Variants in C5orf34 observed in about 807,000 individuals in gnomAD.
The protein encoded by C5orf34 is chromosome 5 open reading frame 34, also known as uncharacterized protein C5orf34.
Under a neutral mutation model 78.4 loss-of-function variants are expected in C5orf34, and 73 were observed. That is an observed-to-expected ratio of 0.93 (90% CI 0.77 to 1.13). The LOEUF is 1.13. Among genes scored for constraint, C5orf34 ranks in the 50% most tolerant of loss-of-function variants. The pLI is 0.00. For missense variants in C5orf34, 730 were observed against 732.7 expected, an observed-to-expected ratio of 1.00 and a Z score of 0.04; for synonymous variants, 251 against 246.6, an observed-to-expected ratio of 1.02 and a Z score of -0.17.
chr5:43,488,584 A>C (rs1165742238), intron 11 of C5orf34: 1 of 152,068 alleles, frequency 6.6e-6, no homozygotes, highest in Non-Finnish European at 1.5e-5. Flanking sequence ...TTTTTATTAA[A>C]TTCTTTCTGG....
chr5:43,504,587 A>G (rs1334320435), intron 4 of C5orf34, among the ~76,000 whole-genome samples: 10 of 152,200 alleles, frequency 6.6e-5, no homozygotes, highest in African/African-American at 2.4e-4. Flanking sequence ...ACACTCCTGC[A>G]GAGTAAAGAG....
chr5:43,504,668 G>A (rs1449314402), intron 4 of C5orf34, among the ~76,000 whole-genome samples: 1 of 152,214 alleles, frequency 6.6e-6, no homozygotes, highest in Admixed American at 6.5e-5. Context: ...AGCAAGAATA[G>A]AGAAAGCAAG....
At chr5:43,505,570 C>T in intron 4 of C5orf34, 178 bp downstream of exon 4, 1 of 578,996 alleles carries the variant, frequency 1.7e-6, no homozygotes, top group South Asian at 2.9e-5. Context: ...AATGCATGGA[C>T]ACAGAGTAAA....
chr5:43,503,653 T>C lies in C5orf34; in HGVS notation c.1028+12A>G, dbSNP rs373393560. The C allele has an allele frequency of 1.5e-5, 24 of 1,555,390 alleles. No homozygotes were observed. Among genetic ancestry groups the C allele is most frequent in the East Asian group, 6.7e-5 (3 of 44,586 alleles). ...TCTAACTCCAACATAGAAGCCAACA[T>C]AGGTGCCTTACCTATATGTAACACC... On this transcript the variant is annotated intron_variant, in intron 5 of 12. Transcript: ENST00000306862.
chr5:43,501,895 G>A (rs1016223588), intron 6 of C5orf34, among the ~76,000 whole-genome samples: 1 of 152,080 alleles, frequency 6.6e-6, no homozygotes, highest in Admixed American at 6.6e-5. Context: ...TAAGACTATG[G>A]GCTGGTAATT....
intron 10 of C5orf34, among the ~76,000 whole-genome samples, chr5:43,491,732 G>T (rs1362936019): frequency 1.3e-5 from 2 of 152,178 alleles, no homozygotes; most frequent in African/African-American, 4.8e-5. Flanking sequence ...GGCCGGGCAT[G>T]GTGGCTCATG....
intron 11 of C5orf34, chr5:43,488,283 G>A (rs887231510): frequency 4.1e-5 from 10 of 241,702 alleles, no homozygotes; most frequent in East Asian, 1.8e-4. Flanking sequence ...TAAAGTTTAC[G>A]CAAACTTTAC....
chr5:43,500,295 A>G (rs1360957889), intron 6 of C5orf34, among the ~76,000 whole-genome samples: 1 of 151,940 alleles, frequency 6.6e-6, no homozygotes, highest in East Asian at 1.9e-4. Context: ...CCATTTTTCT[A>G]TTAGGGTATT....
chr5:43,487,316 T>G (rs1165980725), intron 12 of C5orf34, among the ~76,000 whole-genome samples: 2 of 152,028 alleles, frequency 1.3e-5, no homozygotes, highest in South Asian at 2.1e-4. Context: ...GGAAAGAGAA[T>G]AGAGTGTGTA....
In C5orf34 at chr5:43,505,990, C is replaced by A. The variant is rs372822499; in HGVS notation, c.690G>T (p.Lys230Asn). ...TGACCCATGTGTATACACATGTGTGCTTTGTACCAGGCGAAGGCAGCTCTT... is the reference window on the plus strand; with the variant it reads ...TGACCCATGTGTATACACATGTGTGATTTGTACCAGGCGAAGGCAGCTCTT... ...GREELPSPGT[K>N]HTCVYTWVKQ... Residue 230 changes from lysine (K) to asparagine (N), a missense_variant, in exon 4 of 13, where the codon AAG (lysine) becomes AAT (asparagine). Transcript: ENST00000306862. 5.0e-5 allele frequency: 81 copies of A among 1,614,084 alleles called. No individual in the cohort carries two copies. Among genetic ancestry groups the A allele is most frequent in the Non-Finnish European group, 6.9e-5 (81 of 1,180,040 alleles).
chr5:43,504,794 T>C (rs945049489), intron 4 of C5orf34, among the ~76,000 whole-genome samples: 6 of 152,232 alleles, frequency 3.9e-5, no homozygotes, highest in East Asian at 3.8e-4. Context: ...TGGTAAGTTA[T>C]TGAAAAATCA....
chr5:43,492,248 A>C lies in C5orf34; in HGVS notation c.1547T>G (p.Leu516Ter). The C allele has an allele frequency of 6.2e-7, 1 of 1,612,506 alleles. No homozygotes were observed. Among genetic ancestry groups the C allele is most frequent in the Admixed American group, 1.7e-5 (1 of 59,922 alleles). ...KLTFPDGQEQ[L>*]IQIEHPEPYE... is the part of the protein sequence containing the mutation. ...TGGTTCAGGGTGTTCAATCTGAATT[A>C]ACTGCTCTTGTCCATCAGGAAAAGT... Residue 516 changes from leucine (L) to a stop codon, truncating the protein, a stop_gained, in exon 10 of 13, where the codon TTA (leucine) becomes TGA (stop). Coordinates refer to ENST00000306862, the MANE Select transcript of C5orf34 (RefSeq NM_198566.4). LOFTEE classifies it high-confidence loss of function.
chr5:43,492,250 C>G lies in C5orf34; in HGVS notation c.1545G>C (p.Gln515His), dbSNP rs1745314789. ...CKLTFPDGQEQLIQIEHPEPY... is the reference protein window; with the variant it reads ...CKLTFPDGQEHLIQIEHPEPY... ...GTTCAGGGTGTTCAATCTGAATTAA[C>G]TGCTCTTGTCCATCAGGAAAAGTTA... Residue 515 changes from glutamine (Q) to histidine (H), a missense_variant, in exon 10 of 13, where the codon CAG (glutamine) becomes CAC (histidine). Coordinates refer to ENST00000306862, the MANE Select transcript of C5orf34 (RefSeq NM_198566.4). 2 of 1,612,178 alleles carry G rather than the reference C, an allele frequency of 1.2e-6. No homozygotes were observed. The highest frequency in any genetic ancestry group is 3.3e-5 in the Admixed American group (2 of 59,888).
At chr5:43,505,603 AG>A in intron 4 of C5orf34, 144 bp downstream of exon 4, 1 of 702,110 alleles carries the variant, frequency 1.4e-6, no homozygotes, top group South Asian at 2.4e-5. Context: ...CACATTTGCT[AG>A]GGAAATTATT....
At chr5:43,513,057 C>G (rs1262308786) in intron 1 of C5orf34, among the ~76,000 whole-genome samples, 2 of 151,944 alleles carry the variant, frequency 1.3e-5, no homozygotes, top group Non-Finnish European at 2.9e-5. Flanking sequence ...GCTGGGATTA[C>G]AGGCGTGAGC....
intron 9 of C5orf34, 116 bp from the exon 10 acceptor site, chr5:43,492,425 C>A (rs1000197387): frequency 1.4e-6 from 1 of 703,254 alleles, no homozygotes; most frequent in African/African-American, 1.8e-5. Context: ...AAAGATGCAA[C>A]AGTTTAAATG....
intron 11 of C5orf34, among the ~76,000 whole-genome samples, chr5:43,489,813 C>T (rs1745208040): frequency 6.6e-6 from 1 of 152,130 alleles, no homozygotes; most frequent in African/African-American, 2.4e-5. Flanking sequence ...CCTCACAAAA[C>T]TTACTTAAAA....
chr5:43,492,681 T>C lies in C5orf34; in HGVS notation c.1485+39A>G, dbSNP rs367688863. On this transcript the variant is annotated intron_variant, in intron 9 of 12. Coordinates refer to ENST00000306862, the MANE Select transcript of C5orf34 (RefSeq NM_198566.4). The stretch of plus-strand genomic sequence containing the variant: ...TTTCTTTGTTCTGTTTTCCACAGAT[T>C]ACCAATAAAAAATAGATCTAAGTCT... 61 of 1,522,362 alleles carry C rather than the reference T, an allele frequency of 4.0e-5. No homozygotes were observed. The African/African-American group carries it at 7.8e-4, about 20-fold the overall frequency. 94.3% of individuals were successfully genotyped at this position (1,522,362 alleles called of 1,614,324 possible).
rs1295273611 is a variant in C5orf34 at position 43,509,382 on chromosome 5, G to A, written c.-36-7C>T. ...ATATCTTCTAAGTCAAAGACTGAAT[G>A]AAATAGGAAAAACAACAGCATAAAT... On this transcript the variant is annotated splice_polypyrimidine_tract_variant and splice_region_variant and intron_variant, in intron 1 of 12. Coordinates refer to ENST00000306862, the MANE Select transcript of C5orf34 (RefSeq NM_198566.4). The A allele has an allele frequency of 6.8e-7, 1 of 1,471,048 alleles. No individual in the cohort carries two copies. Among genetic ancestry groups the A allele is most frequent in the African/African-American group, 1.4e-5 (1 of 70,832 alleles). The allele number at this position is 1,471,048 out of a possible 1,614,324, so 91.1% of individuals were successfully genotyped here.
Sources: allele counts gnomAD v4.1 joint callset (sites outside exome capture counted in the v4.1 genomes callset), GRCh38; gene constraint gnomAD v4.1.1; transcripts MANE v1.5; gene names NCBI Gene and HGNC (gene_info 2026-07-23, HGNC 2026-07-21).